Variants in SLC35F4 observed in about 807,000 individuals in gnomAD.
SLC35F4 encodes solute carrier family 35 member F4, also known as chromosome 14 open reading frame 36.
In SLC35F4, 24 loss-of-function variants were observed where a neutral mutation model predicts 44.2. The observed-to-expected ratio is 0.54, with a 90% CI of 0.39 to 0.76. The LOEUF is 0.76. SLC35F4 is among the 30% of genes least tolerant of loss of function. The pLI, the probability that SLC35F4 is intolerant of heterozygous loss-of-function variation, is 0.00. For synonymous variants in SLC35F4, 238 were observed against 223.6 expected (o/e 1.06, Z -0.57); for missense variants, 562 against 586.1 (o/e 0.96, Z 0.42).
intron 6 of SLC35F4, among the ~76,000 whole-genome samples, chr14:57,567,403 C>A (rs961446301): frequency 6.6e-6 from 1 of 152,160 alleles, no homozygotes; most frequent in Non-Finnish European, 1.5e-5. Flanking sequence ...GACAATGAGG[C>A]AAGCATGTTG....
chr14:57,695,816 A>G (rs965247302), intron 1 of SLC35F4, among the ~76,000 whole-genome samples: 2 of 152,358 alleles, frequency 1.3e-5, no homozygotes, highest in African/African-American at 4.8e-5. Flanking sequence ...TGTGGCACAT[A>G]TACACCATGA....
At chr14:57,728,380 T>G (rs1406907386) in intron 1 of SLC35F4, among the ~76,000 whole-genome samples, 1 of 151,680 alleles carries the variant, frequency 6.6e-6, no homozygotes, top group African/African-American at 2.4e-5. Context: ...TTTTACTGCA[T>G]GCTTACTGTT....
intron 1 of SLC35F4, among the ~76,000 whole-genome samples, chr14:57,950,490 T>C (rs1408643802): frequency 6.6e-6 from 1 of 152,046 alleles, no homozygotes; most frequent in Non-Finnish European, 1.5e-5. Flanking sequence ...TCTCCTTGAG[T>C]AGCTTAATAA....
chr14:57,960,240 T>C (rs958833336), intron 1 of SLC35F4, among the ~76,000 whole-genome samples: 1 of 152,124 alleles, frequency 6.6e-6, no homozygotes, highest in Non-Finnish European at 1.5e-5. Context: ...AACCAAGACC[T>C]CAGTGCCCAC....
intron 1 of SLC35F4, among the ~76,000 whole-genome samples, chr14:57,673,303 G>A (rs920790342): frequency 6.6e-5 from 10 of 152,176 alleles, no homozygotes; most frequent in African/African-American, 1.9e-4. Flanking sequence ...GTAGTGTCAG[G>A]GTTAGCAGCA....
intron 1 of SLC35F4, among the ~76,000 whole-genome samples, chr14:57,731,800 A>C (rs977203430): frequency 1.3e-5 from 2 of 152,230 alleles, no homozygotes; most frequent in African/African-American, 4.8e-5. Flanking sequence ...ACTTATTCTG[A>C]AACTAGACAC....
chr14:57,647,362 C>G (rs1209109354), intron 1 of SLC35F4, among the ~76,000 whole-genome samples: 1 of 152,088 alleles, frequency 6.6e-6, no homozygotes, highest in African/African-American at 2.4e-5. Context: ...GAATTGACCC[C>G]TTTACCATTA....
chr14:57,800,176 C>T (rs1425287950), intron 1 of SLC35F4, among the ~76,000 whole-genome samples: 1 of 152,196 alleles, frequency 6.6e-6, no homozygotes, highest in African/African-American at 2.4e-5. Flanking sequence ...CATCTTTGCT[C>T]TTTCACAGCC....
At chr14:57,613,159 T>A (rs2071609164) in intron 1 of SLC35F4, among the ~76,000 whole-genome samples, 1 of 152,222 alleles carries the variant, frequency 6.6e-6, no homozygotes, top group Admixed American at 6.5e-5. Flanking sequence ...CTTGGGAAGC[T>A]GTCTGAGTTT....
At chr14:57,594,215 G>A (rs1002107143) in intron 1 of SLC35F4, 91 bp from the exon 2 acceptor site, 7 of 1,242,176 alleles carry the variant, frequency 5.6e-6, no homozygotes, top group South Asian at 1.5e-5. Flanking sequence ...TTGGAAACAG[G>A]GTCTCACTCT....
At chr14:57,870,703 T>C (rs896535905), upstream of SLC35F4, among the ~76,000 whole-genome samples, 6 of 152,214 alleles carry the variant, frequency 3.9e-5, no homozygotes, top group African/African-American at 1.4e-4. Flanking sequence ...TGGCACATCG[T>C]GGGTACACAA....
chr14:57,704,416 C>T (rs1045236031), intron 1 of SLC35F4, among the ~76,000 whole-genome samples: 1 of 152,124 alleles, frequency 6.6e-6, no homozygotes, highest in Non-Finnish European at 1.5e-5. Flanking sequence ...TGCCTTTAAA[C>T]AAATTCTGAT....
intron 3 of SLC35F4, among the ~76,000 whole-genome samples, chr14:57,584,460 G>A (rs879566750): frequency 6.6e-6 from 1 of 152,078 alleles, no homozygotes; most frequent in East Asian, 1.9e-4. Context: ...TAACTTCTTG[G>A]CAGATGGTAT....
intron 1 of SLC35F4, among the ~76,000 whole-genome samples, chr14:57,821,027 A>G (rs1490153279): frequency 6.6e-6 from 1 of 152,090 alleles, no homozygotes; most frequent in East Asian, 1.9e-4. Context: ...TTTCTTTTTC[A>G]TGTTTGCTTT....
chr14:57,693,826 G>A (rs915443773), intron 1 of SLC35F4, among the ~76,000 whole-genome samples: 1 of 151,922 alleles, frequency 6.6e-6, no homozygotes, highest in African/African-American at 2.4e-5. Flanking sequence ...TGCTTAATCT[G>A]TGTAGGTTCT....
intron 1 of SLC35F4, among the ~76,000 whole-genome samples, chr14:57,953,807 G>A (rs113873528): frequency 0.074 from 11,269 of 152,198 alleles, 513 homozygotes; most frequent in Middle Eastern, 0.13. Context: ...AAGACACTTA[G>A]ACTCCCACAC....
intron 1 of SLC35F4, among the ~76,000 whole-genome samples, chr14:57,915,343 A>G (rs1269276627): frequency 2.0e-5 from 3 of 152,128 alleles, no homozygotes; most frequent in African/African-American, 7.2e-5. Flanking sequence ...GCTACCTTCT[A>G]TCTATGGTAA....
At chr14:57,687,227 A>G (rs1222098634) in intron 1 of SLC35F4, among the ~76,000 whole-genome samples, 1 of 152,174 alleles carries the variant, frequency 6.6e-6, no homozygotes, top group Non-Finnish European at 1.5e-5. Context: ...CTAGAAGACT[A>G]AGGCAAGGTT....
At chr14:57,910,985 T>G (rs184138036) in intron 1 of SLC35F4, among the ~76,000 whole-genome samples, 17 of 152,156 alleles carry the variant, frequency 1.1e-4, no homozygotes, top group Non-Finnish European at 1.8e-4. Flanking sequence ...GTAAACCTTG[T>G]ATCTATTTAC....
Sources: allele counts gnomAD v4.1 joint callset (sites outside exome capture counted in the v4.1 genomes callset), GRCh38; gene constraint gnomAD v4.1.1; transcripts MANE v1.5; gene names NCBI Gene and HGNC (gene_info 2026-07-23, HGNC 2026-07-21).